DCAF8L2: variants seen among roughly 807,000 people sequenced by gnomAD.
DCAF8L2 encodes DDB1- and CUL4-associated factor 8-like protein 2.
For synonymous variants in DCAF8L2, 200 were observed against 190.9 expected, an observed-to-expected ratio of 1.05 and a Z score of -0.39; for missense variants, 430 against 490.7, an observed-to-expected ratio of 0.88 and a Z score of 1.17.
intron 1 of DCAF8L2, among the ~76,000 whole-genome samples, chrX:27,610,968 A>AGAAAG (rs1250058707): frequency 8.9e-6 from 1 of 112,477 alleles, no homozygotes; most frequent in Non-Finnish European, 1.9e-5. Flanking sequence ...ATCGGAAAAA[A>AGAAAG]AACATCAGTA....
At chrX:27,658,287 G>A (rs73530657) in intron 2 of DCAF8L2, among the ~76,000 whole-genome samples, 4,104 of 111,239 alleles carry the variant, frequency 0.037, 180 homozygotes, top group African/African-American at 0.13. Context: ...AAAACAACAG[G>A]GCAAAATTAA....
At chrX:27,740,679 T>C (rs1047011069) in intron 4 of DCAF8L2, among the ~76,000 whole-genome samples, 12 of 111,654 alleles carry the variant, frequency 1.1e-4, no homozygotes, top group African/African-American at 3.9e-4. Flanking sequence ...GCACTCAATA[T>C]CACTTTATAA....
chrX:27,472,379 T>C, the DCAF8L2 span, among the ~76,000 whole-genome samples: 2 of 111,944 alleles, frequency 1.8e-5, no homozygotes, highest in Non-Finnish European at 3.8e-5. Context: ...AGTATAAATA[T>C]TCTTTTCTTT....
At chrX:27,660,639 C>T (rs1220641282) in intron 2 of DCAF8L2, among the ~76,000 whole-genome samples, 1 of 111,913 alleles carries the variant, frequency 8.9e-6, no homozygotes, top group African/African-American at 3.3e-5. Context: ...GGTTAGTGCA[C>T]GTGGGCACTG....
the DCAF8L2 span, among the ~76,000 whole-genome samples, chrX:27,499,504 A>G: frequency 8.9e-6 from 1 of 111,897 alleles, no homozygotes; most frequent in East Asian, 2.8e-4. Flanking sequence ...ACACTGCTAT[A>G]AAGAACTACT....
intron 2 of DCAF8L2, among the ~76,000 whole-genome samples, chrX:27,635,570 A>G (rs1928464864): frequency 9.0e-6 from 1 of 111,513 alleles, no homozygotes; most frequent in Non-Finnish European, 1.9e-5. Context: ...TCATTGCCAT[A>G]AAAGTATTCA....
At chrX:27,634,576 G>A (rs976904668) in intron 2 of DCAF8L2, among the ~76,000 whole-genome samples, 2 of 110,733 alleles carry the variant, frequency 1.8e-5, no homozygotes, top group Non-Finnish European at 3.8e-5. Flanking sequence ...TAGGATTGTT[G>A]TGATAATTAA....
chrX:27,515,664 A>G, the DCAF8L2 span, among the ~76,000 whole-genome samples: 4 of 112,796 alleles, frequency 3.5e-5, no homozygotes, highest in Non-Finnish European at 7.5e-5. Flanking sequence ...CAAATAGATC[A>G]TAAACAGCAA....
the DCAF8L2 span, among the ~76,000 whole-genome samples, chrX:27,537,446 A>G: frequency 8.9e-6 from 1 of 112,477 alleles, no homozygotes; most frequent in Non-Finnish European, 1.9e-5. Flanking sequence ...ATTCTAGTTA[A>G]AGTTTGACAA....
chrX:27,644,964 G>C (rs1928883540), intron 2 of DCAF8L2, among the ~76,000 whole-genome samples: 1 of 111,743 alleles, frequency 8.9e-6, no homozygotes, highest in African/African-American at 3.3e-5. Flanking sequence ...CACCATGTTG[G>C]CCAGGATGGC....
At chrX:27,630,292 A>G (rs1928230277) in intron 1 of DCAF8L2, among the ~76,000 whole-genome samples, 1 of 111,866 alleles carries the variant, frequency 8.9e-6, no homozygotes, top group Non-Finnish European at 1.9e-5. Flanking sequence ...AAATTTCTAT[A>G]TACATACAAC....
chrX:27,508,392 C>A, the DCAF8L2 span, among the ~76,000 whole-genome samples: 1 of 110,633 alleles, frequency 9.0e-6, no homozygotes, highest in African/African-American at 3.3e-5. Context: ...TATACAGTGT[C>A]CACTCTGATC....
At chrX:27,635,886 G>A (rs902367764) in intron 2 of DCAF8L2, among the ~76,000 whole-genome samples, 11 of 105,366 alleles carry the variant, frequency 1.0e-4, no homozygotes, top group African/African-American at 3.1e-4. Flanking sequence ...ATCTTGGCTC[G>A]CTGCAACCTC....
At chrX:27,488,517 CTGTGTGTGTGTGTGTG>C in the DCAF8L2 span, among the ~76,000 whole-genome samples, 12 of 80,502 alleles carry the variant, frequency 1.5e-4, no homozygotes, top group African/African-American at 5.0e-4. Context: ...AAAATTACCT[CTGTGTGTGTGTGTGTG>C]TGTGTGTGTG....
chrX:27,502,335 AATATATATATATATATATATAT>A, the DCAF8L2 span, among the ~76,000 whole-genome samples: 109 of 12,730 alleles, frequency 8.6e-3, no homozygotes, highest in Non-Finnish European at 9.9e-3. Flanking sequence ...AAAAAAAAAA[AATATATATATATATATATATAT>A]ATATATATAT....
chrX:27,701,390 C>T (rs1931124823), intron 3 of DCAF8L2, among the ~76,000 whole-genome samples: 1 of 111,244 alleles, frequency 9.0e-6, no homozygotes, highest in African/African-American at 3.3e-5. Context: ...TAACAGACAT[C>T]TGGAGAACAC....
intron 1 of DCAF8L2, among the ~76,000 whole-genome samples, chrX:27,630,472 C>T (rs1204047225): frequency 9.0e-6 from 1 of 111,564 alleles, no homozygotes; most frequent in African/African-American, 3.3e-5. Flanking sequence ...TCTTGTCAAA[C>T]ACTTCAAAAA....
At position 27,747,877 on chromosome X, in the gene DCAF8L2, C is replaced by A. The variant is rs759811140; in HGVS notation, c.982C>A (p.Pro328Thr). ...ACCTGCCCACAAGTTGGCTCTGGAG[C>A]CTGACTCTCCTTATAAGTTCCTCAC... The part of the protein sequence containing the change: ...RGPAHKLALE[P>T]DSPYKFLTSG... Residue 328 changes from proline (P) to threonine (T), a missense_variant, in exon 5 of 5, where the codon CCT becomes ACT. Pro to Thr is a conservative substitution (Grantham distance 38, BLOSUM62 -1). Transcript: ENST00000451261. 1.5e-5 allele frequency: 18 copies of A among 1,208,560 alleles called. No individual in the cohort carries two copies. In the South Asian group the frequency reaches 2.3e-4, roughly 15 times the overall value.
chrX:27,735,157 A>G (rs940635741), intron 4 of DCAF8L2, among the ~76,000 whole-genome samples: 2 of 111,930 alleles, frequency 1.8e-5, no homozygotes, highest in Non-Finnish European at 3.8e-5. Context: ...ATTATTTTCT[A>G]TCTATGTAGA....
Sources: allele counts gnomAD v4.1 joint callset (sites outside exome capture counted in the v4.1 genomes callset), GRCh38; gene constraint gnomAD v4.1.1; transcripts MANE v1.5; gene names NCBI Gene and HGNC (gene_info 2026-07-23, HGNC 2026-07-21).